AGXT2: variants seen among roughly 807,000 people sequenced by gnomAD.
The protein encoded by AGXT2 is alanine--glyoxylate aminotransferase 2.
Under a neutral mutation model 62.5 loss-of-function variants are expected in AGXT2, and 61 were observed. That is an observed-to-expected ratio of 0.98 (90% CI 0.79 to 1.21). AGXT2 has a LOEUF of 1.21. AGXT2 is among the 50% of genes most tolerant of loss of function. The pLI is 0.00. For missense variants in AGXT2, 666 were observed against 641.5 expected, an observed-to-expected ratio of 1.04 and a Z score of -0.41; for synonymous variants, 243 against 218.7, an observed-to-expected ratio of 1.11 and a Z score of -0.98.
At chr5:35,025,684 ACAGAGGAAGTTTAGGAGG>A in intron 9 of AGXT2, 61 bp downstream of exon 9, 1 of 1,450,826 alleles carries the variant, frequency 6.9e-7, no homozygotes, top group East Asian at 2.3e-5. Flanking sequence ...TGCCTGGAAC[ACAGAGGAAGTTTAGGAGG>A]TTTCTGTCTG....
chr5:35,024,731 C>G (rs2642675), intron 9 of AGXT2, among the ~76,000 whole-genome samples: 119,119 of 152,164 alleles, frequency 0.78, 47,446 homozygotes, highest in African/African-American at 0.84. Context: ...CACTTTGGGA[C>G]GCCAAGGTGG....
intron 1 of AGXT2, among the ~76,000 whole-genome samples, chr5:35,042,595 A>G (rs572988497): frequency 5.9e-5 from 9 of 152,282 alleles, no homozygotes; most frequent in Non-Finnish European, 8.8e-5. Flanking sequence ...CCAGAAAAAA[A>G]ATGAAAATCT....
intron 1 of AGXT2, among the ~76,000 whole-genome samples, chr5:35,043,520 C>A (rs1472746452): frequency 6.6e-6 from 1 of 151,986 alleles, no homozygotes; most frequent in Non-Finnish European, 1.5e-5. Flanking sequence ...TACAGATGCC[C>A]AGGGATGATT....
intron 10 of AGXT2, among the ~76,000 whole-genome samples, chr5:35,013,511 T>A (rs568065994): frequency 1.7e-4 from 26 of 152,186 alleles, no homozygotes; most frequent in African/African-American, 6.3e-4. Context: ...CGGATAGGGG[T>A]GCAGTGGCTC....
At chr5:35,010,552 G>C (rs4703492) in intron 11 of AGXT2, among the ~76,000 whole-genome samples, 27,396 of 151,940 alleles carry the variant, frequency 0.18, 2,939 homozygotes, top group East Asian at 0.42. Context: ...GGGCTCTGTG[G>C]GGGGCGCCTG....
intron 5 of AGXT2, 136 bp from the exon 6 acceptor site, chr5:35,033,689 T>C (rs1297219371): frequency 2.8e-6 from 2 of 710,244 alleles, no homozygotes; most frequent in Non-Finnish European, 5.1e-6. Flanking sequence ...AGAACGCATC[T>C]AAGCTTATGT....
At chr5:35,017,982 G>T (rs1278714793) in intron 9 of AGXT2, among the ~76,000 whole-genome samples, 1 of 152,186 alleles carries the variant, frequency 6.6e-6, no homozygotes, top group Non-Finnish European at 1.5e-5. Flanking sequence ...AGCGATGGAA[G>T]GTGAAATGAA....
chr5:35,020,831 C>G (rs1767045659), intron 9 of AGXT2, among the ~76,000 whole-genome samples: 1 of 152,062 alleles, frequency 6.6e-6, no homozygotes, highest in African/African-American at 2.4e-5. Flanking sequence ...ACCCCATTGT[C>G]TCAGCCCAAA....
chr5:34,998,775 C>A lies in AGXT2; in HGVS notation c.1489G>T (p.Ala497Ser). Residue 497 changes from alanine (A) to serine (S), a missense_variant, in exon 14 of 14, where the codon GCA becomes TCA. Ala to Ser is a moderately conservative substitution (Grantham distance 99). Transcript: ENST00000231420. The stretch of plus-strand genomic sequence containing the variant: ...AAGGCAGAACGAAATACTTCTACTG[C>A]AAAATCAACTTCTGGTTTAGTGATG... ...MCITKPEVDF[A>S]VEVFRSALTQ... The A allele has an allele frequency of 6.2e-7, 1 of 1,613,998 alleles. No homozygotes were observed. Among genetic ancestry groups the A allele is most frequent in the Non-Finnish European group, 8.5e-7 (1 of 1,180,014 alleles).
intron 9 of AGXT2, among the ~76,000 whole-genome samples, chr5:35,019,540 A>C (rs1028606804): frequency 9.2e-5 from 14 of 152,152 alleles, no homozygotes; most frequent in African/African-American, 2.4e-4. Context: ...AACAAAGACA[A>C]AACATACCAG....
At chr5:35,014,803 G>T (rs991033873) in intron 9 of AGXT2, among the ~76,000 whole-genome samples, 13 of 152,168 alleles carry the variant, frequency 8.5e-5, no homozygotes, top group Non-Finnish European at 1.6e-4. Flanking sequence ...AAGCAGGATA[G>T]AAAAGTAGAG....
At chr5:35,041,111 C>A (rs773008651) in intron 1 of AGXT2, among the ~76,000 whole-genome samples, 4 of 149,542 alleles carry the variant, frequency 2.7e-5, no homozygotes, top group Non-Finnish European at 5.9e-5. Context: ...ATACACACGG[C>A]ATTAATGACT....
At chr5:35,040,111 A>AAGAG (rs1441317893) in intron 2 of AGXT2, among the ~76,000 whole-genome samples, 5 of 152,058 alleles carry the variant, frequency 3.3e-5, no homozygotes, top group African/African-American at 1.2e-4. Flanking sequence ...GAAAGAAAGA[A>AAGAG]AGAGAGAGAA....
intron 9 of AGXT2, among the ~76,000 whole-genome samples, chr5:35,014,479 C>G (rs1369155863): frequency 1.5e-5 from 2 of 131,976 alleles, no homozygotes; most frequent in Non-Finnish European, 3.3e-5. Context: ...AAAAGAAATG[C>G]TGTTTTCTTC....
chr5:35,043,517 G>A (rs1768064671), intron 1 of AGXT2, among the ~76,000 whole-genome samples: 1 of 152,014 alleles, frequency 6.6e-6, no homozygotes, highest in Non-Finnish European at 1.5e-5. Flanking sequence ...ATTTACAGAT[G>A]CCCAGGGATG....
At chr5:35,025,929 AT>A in intron 8 of AGXT2, 74 bp from the exon 9 acceptor site, 1 of 1,130,276 alleles carries the variant, frequency 8.8e-7, no homozygotes, top group Admixed American at 1.9e-5. Flanking sequence ...AAGTTAGATC[AT>A]CATTATCATC....
At chr5:35,013,366 C>G (rs961823637) in intron 10 of AGXT2, among the ~76,000 whole-genome samples, 2 of 152,152 alleles carry the variant, frequency 1.3e-5, no homozygotes, top group African/African-American at 4.8e-5. Flanking sequence ...ACACCAGAGC[C>G]CTCTCCCACC....
intron 10 of AGXT2, 145 bp downstream of exon 10, chr5:35,013,842 A>T: frequency 1.6e-6 from 2 of 1,266,884 alleles, no homozygotes; most frequent in Non-Finnish European, 2.3e-6. Flanking sequence ...AGGCAGACAG[A>T]CTGTTTCTCT....
intron 1 of AGXT2, among the ~76,000 whole-genome samples, chr5:35,043,778 C>T (rs1274170603): frequency 2.6e-5 from 4 of 152,176 alleles, no homozygotes; most frequent in Non-Finnish European, 5.9e-5. Flanking sequence ...GCAACCTCTA[C>T]CTCTCAGGCT....
Sources: gnomAD v4.1 joint callset for allele counts (sites outside exome capture counted in the v4.1 genomes callset) on GRCh38, gnomAD v4.1.1 for gene constraint, MANE v1.5 for transcripts, NCBI Gene and HGNC (gene_info 2026-07-23, HGNC 2026-07-21) for gene names.